Variants in BNC2 observed in about 807,000 individuals in gnomAD.
The protein encoded by BNC2 is basonuclin zinc finger protein 2.
BNC2 carries 20 observed loss-of-function variants against 76.3 expected under a neutral mutation model. That is an observed-to-expected ratio of 0.26 (90% CI 0.18 to 0.38). The LOEUF (loss-of-function observed/expected upper bound fraction) is 0.38. Ranked by LOEUF, BNC2 falls within the 10% of genes least tolerant of loss-of-function variation. The probability of loss-of-function intolerance (pLI) is 1.00; values close to 1 mark genes in which losing one functional copy is unlikely to be tolerated. For synonymous variants in BNC2, 582 were observed against 514.8 expected (o/e 1.13, Z -1.77); for missense variants, 1,382 against 1,399.8 (o/e 0.99, Z 0.20).
chr9:16,420,372 T>C (rs1401035927), intron 6 of BNC2, among the ~76,000 whole-genome samples: 1 of 152,168 alleles, frequency 6.6e-6, no homozygotes, highest in African/African-American at 2.4e-5. Flanking sequence ...TTTAGAAGTA[T>C]GTGCATTTTA....
chr9:16,746,806 C>G (rs1166895062), intron 1 of BNC2, among the ~76,000 whole-genome samples: 1 of 150,816 alleles, frequency 6.6e-6, no homozygotes, highest in African/African-American at 2.4e-5. Flanking sequence ...ACTAAAAATA[C>G]AAAAAATTAG....
intron 3 of BNC2, among the ~76,000 whole-genome samples, chr9:16,615,070 T>G (rs564592524): frequency 6.7e-6 from 1 of 148,810 alleles, no homozygotes; most frequent in East Asian, 2.0e-4. Context: ...ATGCCCCAAA[T>G]TAGGCAACAT....
intron 1 of BNC2, among the ~76,000 whole-genome samples, chr9:16,845,488 A>G (rs7864571): frequency 0.021 from 3,169 of 149,812 alleles, 97 homozygotes; most frequent in African/African-American, 0.061. Flanking sequence ...TTGGGAGGCC[A>G]AGGCGGGCGG....
At chr9:16,481,464 A>C (rs189200617) in intron 5 of BNC2, among the ~76,000 whole-genome samples, 43 of 152,092 alleles carry the variant, frequency 2.8e-4, no homozygotes, top group Non-Finnish European at 6.2e-4. Context: ...AGCCAGCGAG[A>C]CCACGAGCCC....
chr9:16,649,606 A>G (rs16934886), intron 3 of BNC2, among the ~76,000 whole-genome samples: 20,699 of 152,140 alleles, frequency 0.14, 2,565 homozygotes, highest in African/African-American at 0.33. Flanking sequence ...CAGTGACTAC[A>G]AGCTTGAAAA....
intron 5 of BNC2, among the ~76,000 whole-genome samples, chr9:16,501,957 C>T (rs1321062898): frequency 6.6e-6 from 1 of 152,190 alleles, no homozygotes; most frequent in Admixed American, 6.5e-5. Context: ...CATTTTCTTG[C>T]ATATTTAAAA....
At chr9:16,494,139 T>A (rs1370256696) in intron 5 of BNC2, among the ~76,000 whole-genome samples, 1 of 152,088 alleles carries the variant, frequency 6.6e-6, no homozygotes, top group Non-Finnish European at 1.5e-5. Context: ...ATACGAAATA[T>A]ATTAGAAAAT....
intron 4 of BNC2, among the ~76,000 whole-genome samples, chr9:16,568,071 C>T (rs1201717795): frequency 6.6e-6 from 1 of 152,050 alleles, no homozygotes; most frequent in Non-Finnish European, 1.5e-5. Context: ...CCAAGTGAGC[C>T]TTAAATTACA....
At chr9:16,451,025 G>T (rs1485790271) in intron 5 of BNC2, among the ~76,000 whole-genome samples, 1 of 151,340 alleles carries the variant, frequency 6.6e-6, no homozygotes, top group East Asian at 2.0e-4. Flanking sequence ...GCTATCTATG[G>T]ATGTACAGCT....
At chr9:16,582,861 C>A in intron 4 of BNC2, 122 bp downstream of exon 4, 1 of 803,168 alleles carries the variant, frequency 1.2e-6, no homozygotes, top group South Asian at 1.5e-5. Flanking sequence ...GCTGACCTCT[C>A]TCTTCTCCAG....
chr9:16,728,540 A>AT (rs1002497171), intron 2 of BNC2, among the ~76,000 whole-genome samples: 10 of 151,426 alleles, frequency 6.6e-5, no homozygotes, highest in Middle Eastern at 3.4e-3. Flanking sequence ...TGATACTTAA[A>AT]TTTTTTTTTA....
chr9:16,663,053 C>A (rs898947445), intron 3 of BNC2, among the ~76,000 whole-genome samples: 2 of 151,556 alleles, frequency 1.3e-5, no homozygotes, highest in Admixed American at 6.6e-5. Context: ...CAAGTGATTT[C>A]ATCAATAACA....
intron 1 of BNC2, among the ~76,000 whole-genome samples, chr9:16,777,700 C>CAAAAAAA: frequency 1.0e-5 from 1 of 100,472 alleles, no homozygotes; most frequent in Non-Finnish European, 1.8e-5. Flanking sequence ...GACTCCATCT[C>CAAAAAAA]AAAAAAAAAA....
intron 5 of BNC2, among the ~76,000 whole-genome samples, chr9:16,487,947 A>G (rs1439284606): frequency 2.6e-5 from 4 of 152,232 alleles, no homozygotes; most frequent in Non-Finnish European, 5.9e-5. Context: ...ATTTAAGTTT[A>G]GAAGAGAGGG....
chr9:16,785,121 G>C (rs56870033), intron 1 of BNC2, among the ~76,000 whole-genome samples: 3,576 of 152,234 alleles, frequency 0.023, 136 homozygotes, highest in African/African-American at 0.081. Context: ...AGAAAAGAAC[G>C]GGAACTTTAA....
chr9:16,552,486 A>C (rs1364430396), intron 5 of BNC2, 44 bp downstream of exon 5: 1 of 1,561,220 alleles, frequency 6.4e-7, no homozygotes, highest in South Asian at 1.1e-5. Flanking sequence ...TTCCCCACCC[A>C]CAGTCGGCCC....
intron 5 of BNC2, among the ~76,000 whole-genome samples, chr9:16,512,066 A>T (rs10124368): frequency 6.6e-6 from 1 of 152,338 alleles, no homozygotes; most frequent in Non-Finnish European, 1.5e-5. Flanking sequence ...GATCTATTTT[A>T]CCTATTAATC....
chr9:16,535,800 G>T (rs1367731938), intron 5 of BNC2, among the ~76,000 whole-genome samples: 1 of 152,134 alleles, frequency 6.6e-6, no homozygotes, highest in Non-Finnish European at 1.5e-5. Context: ...TTTGGCTGAT[G>T]GCATGCTAGC....
intron 3 of BNC2, chr9:16,727,336 G>A (rs987369668): frequency 4.7e-5 from 8 of 170,292 alleles, no homozygotes; most frequent in African/African-American, 7.2e-5. Context: ...GCTGCCTCCA[G>A]CCACATGAAG....
Sources: gnomAD v4.1 joint callset for allele counts (sites outside exome capture counted in the v4.1 genomes callset) on GRCh38, gnomAD v4.1.1 for gene constraint, MANE v1.5 for transcripts, NCBI Gene and HGNC (gene_info 2026-07-23, HGNC 2026-07-21) for gene names.